Variants in MCC observed in about 807,000 individuals in gnomAD.
MCC encodes MCC regulator of Wnt signaling pathway.
In MCC, 90 loss-of-function variants were observed where a neutral mutation model predicts 116.2. That is an observed-to-expected ratio of 0.77 (90% confidence interval 0.65 to 0.92). The LOEUF is 0.92. Among genes scored for constraint, MCC ranks in the 40% least tolerant of loss-of-function variants. The pLI is 0.00. For synonymous variants in MCC, 578 were observed against 510.5 expected (o/e 1.13, Z -1.78); for missense variants, 1,516 against 1,312.2 (o/e 1.16, Z -2.40).
chr5:113,291,274 C>T (rs1403329787), intron 3 of MCC, among the ~76,000 whole-genome samples: 1 of 152,152 alleles, frequency 6.6e-6, no homozygotes, highest in Non-Finnish European at 1.5e-5. Context: ...CCCTAGTATC[C>T]AAGCATTCCT....
At chr5:113,056,645 C>T (rs1752855561) in intron 14 of MCC, among the ~76,000 whole-genome samples, 1 of 151,872 alleles carries the variant, frequency 6.6e-6, no homozygotes, top group Non-Finnish European at 1.5e-5. Context: ...ACCTGGGTGA[C>T]AAAATAATTT....
At chr5:113,114,534 T>TC (rs398109304) in intron 6 of MCC, among the ~76,000 whole-genome samples, 2 of 151,704 alleles carry the variant, frequency 1.3e-5, no homozygotes, top group Non-Finnish European at 2.9e-5. Flanking sequence ...CAACCTTTTT[T>TC]CCCCACTGAA....
At chr5:113,406,654 G>C (rs1020312250) in intron 1 of MCC, among the ~76,000 whole-genome samples, 2 of 152,042 alleles carry the variant, frequency 1.3e-5, no homozygotes, top group African/African-American at 4.8e-5. Context: ...TATTCATTCA[G>C]AATAATATTT....
At chr5:113,066,261 C>T (rs779817366) in intron 13 of MCC, among the ~76,000 whole-genome samples, 4 of 152,136 alleles carry the variant, frequency 2.6e-5, no homozygotes, top group African/African-American at 4.8e-5. Flanking sequence ...TAAGACACTC[C>T]GCTGATAACC....
intron 17 of MCC, among the ~76,000 whole-genome samples, chr5:113,042,315 A>AG (rs1751765600): frequency 6.7e-6 from 1 of 149,616 alleles, no homozygotes; most frequent in East Asian, 2.0e-4. Context: ...CAAAAAAAAA[A>AG]AAAAAAAAAA....
chr5:113,460,460 C>T (rs1771712587), intron 1 of MCC, among the ~76,000 whole-genome samples: 1 of 152,122 alleles, frequency 6.6e-6, no homozygotes, highest in South Asian at 2.1e-4. Context: ...GTCTTTTCCC[C>T]CAAACACACA....
intron 3 of MCC, among the ~76,000 whole-genome samples, chr5:113,151,944 C>T (rs952059975): frequency 1.3e-5 from 2 of 152,142 alleles, no homozygotes; most frequent in African/African-American, 4.8e-5. Context: ...TAGATGGTCT[C>T]CTTGTACAGT....
At chr5:113,051,950 G>C (rs1222862550) in intron 15 of MCC, among the ~76,000 whole-genome samples, 1 of 151,984 alleles carries the variant, frequency 6.6e-6, no homozygotes, top group East Asian at 1.9e-4. Context: ...GAGGAAAAGG[G>C]GACGGCTCTG....
rs150102124 is a variant in MCC, at chr5:113,342,977, G to A, written c.416-2247C>T. On this transcript the variant is annotated intron_variant, in intron 2 of 18. Transcript: ENST00000408903. ...TGCCTGCAAAGATCTCATTCTGGTA[G>A]GTCTTTAATACATGGCTTTTAATGA... Among the ~76,000 whole-genome samples, 879 of 152,206 alleles carry A rather than the reference G, an allele frequency of 5.8e-3. 3 individuals carry two copies. The highest frequency in any genetic ancestry group is 9.4e-3 in the Non-Finnish European group (639 of 68,008).
intron 2 of MCC, among the ~76,000 whole-genome samples, chr5:113,371,015 C>T (rs1768824631): frequency 6.6e-6 from 1 of 152,024 alleles, no homozygotes; most frequent in Non-Finnish European, 1.5e-5. Flanking sequence ...GTCAGGAGTT[C>T]GAGACCAGCC....
At chr5:113,465,030 C>G (rs1280078831) in intron 1 of MCC, among the ~76,000 whole-genome samples, 1 of 151,582 alleles carries the variant, frequency 6.6e-6, no homozygotes, top group African/African-American at 2.4e-5. Flanking sequence ...ATCCTATTTC[C>G]AATTAAAATT....
At chr5:113,035,698 C>T (rs1039014050) in intron 17 of MCC, among the ~76,000 whole-genome samples, 1 of 152,166 alleles carries the variant, frequency 6.6e-6, no homozygotes, top group African/African-American at 2.4e-5. Context: ...TCAGTGTCAC[C>T]TCCCAGAGAG....
intron 2 of MCC, among the ~76,000 whole-genome samples, chr5:113,360,894 C>T (rs1368382859): frequency 6.6e-6 from 1 of 152,118 alleles, no homozygotes; most frequent in Non-Finnish European, 1.5e-5. Context: ...AAGCAGAGGC[C>T]CCTGGATGTC....
chr5:113,384,973 C>T lies in MCC; in HGVS notation c.410G>A (p.Ser137Asn). The change falls in exon 2 of 19, where the codon AGT becomes AAT. Residue 137 changes from serine to asparagine, a missense_variant. Transcript: ENST00000408903. ...IASWPTSSDN[S>N]LGALSAARES... ...TGCCACCTGGTTATACCTACCCAAACTGTTGTCACTGCTCGTGGGCCAGGA... is the reference window on the plus strand; with the variant it reads ...TGCCACCTGGTTATACCTACCCAAATTGTTGTCACTGCTCGTGGGCCAGGA... The T allele has an allele frequency of 6.2e-7, 1 of 1,614,168 alleles. No homozygotes were observed. The highest frequency in any genetic ancestry group is 1.1e-5 in the South Asian group (1 of 91,086).
chr5:113,039,369 T>A (rs1751531378), intron 17 of MCC, among the ~76,000 whole-genome samples: 1 of 152,310 alleles, frequency 6.6e-6, no homozygotes, highest in East Asian at 1.9e-4. Flanking sequence ...CTTACCTTTT[T>A]ATCAGCATGA....
At chr5:113,254,555 A>G (rs1387744509) in intron 3 of MCC, among the ~76,000 whole-genome samples, 2 of 152,230 alleles carry the variant, frequency 1.3e-5, no homozygotes, top group Non-Finnish European at 2.9e-5. Context: ...AAGGCTATAT[A>G]AGAACATCAC....
chr5:113,134,122 T>A (rs560875197), intron 5 of MCC, among the ~76,000 whole-genome samples: 1 of 152,368 alleles, frequency 6.6e-6, no homozygotes, highest in South Asian at 2.1e-4. Flanking sequence ...GCCTATGCTT[T>A]TGAGGTCTTA....
chr5:113,082,870 G>A lies in MCC; in HGVS notation c.1774C>T (p.Arg592Trp), dbSNP rs780382141. 65 of 1,613,890 alleles carry A rather than the reference G, an allele frequency of 4.0e-5. No individual in the cohort carries two copies. Among genetic ancestry groups the A allele is most frequent in the Non-Finnish European group, 5.1e-5 (60 of 1,179,978 alleles). Reference sequence around the variant, plus strand: ...ACGATCTCTCCTCACCTATTCAGCCGTTCTGTTTCCACCTCAAACTCTCTA... The same window carrying A: ...ACGATCTCTCCTCACCTATTCAGCCATTCTGTTTCCACCTCAAACTCTCTA... ...KIREFEVETERLNSRIEHLKS... is the reference protein window; with the variant it reads ...KIREFEVETEWLNSRIEHLKS... Residue 592 changes from arginine to tryptophan, a missense_variant, in exon 11 of 19, where the codon CGG becomes TGG. Transcript: ENST00000408903.
intron 6 of MCC, among the ~76,000 whole-genome samples, chr5:113,121,010 AT>A (rs1201953964): frequency 6.6e-6 from 1 of 152,208 alleles, no homozygotes; most frequent in Non-Finnish European, 1.5e-5. Flanking sequence ...TATGTGCCCT[AT>A]TGGCGAATGG....
Sources: allele counts gnomAD v4.1 joint callset (sites outside exome capture counted in the v4.1 genomes callset), GRCh38; gene constraint gnomAD v4.1.1; transcripts MANE v1.5; gene names NCBI Gene and HGNC (gene_info 2026-07-23, HGNC 2026-07-21).